The following SUMO2 variants were observed in gnomAD, a reference collection of about 807,000 sequenced individuals.
The protein encoded by SUMO2 is small ubiquitin like modifier 2, also known as small ubiquitin-related modifier 2.
Under a neutral mutation model 16.0 loss-of-function variants are expected in SUMO2, and 1 was observed. The observed-to-expected ratio is 0.06, with a 90% CI of 0.02 to 0.30. SUMO2 has a LOEUF of 0.30. Ranked by LOEUF, SUMO2 falls within the 10% of genes least tolerant of loss-of-function variation. SUMO2 has a pLI of 1.00. For synonymous variants in SUMO2, 36 were observed against 40.6 expected (o/e 0.89, Z 0.43); for missense variants, 16 against 117.5 (o/e 0.14, Z 3.99).
At chr17:75,169,209 G>A (rs1486907878) in intron 3 of SUMO2, among the ~76,000 whole-genome samples, 2 of 151,940 alleles carry the variant, frequency 1.3e-5, no homozygotes, top group Non-Finnish European at 2.9e-5. Context: ...TCCAGCCTGA[G>A]TGACAAAGCA....
chr17:75,178,525 A>C (rs999970053), intron 2 of SUMO2, among the ~76,000 whole-genome samples: 7 of 151,470 alleles, frequency 4.6e-5, no homozygotes, highest in African/African-American at 1.7e-4. Flanking sequence ...AAAAAAAAAA[A>C]AAGAAAAGAA....
chr17:75,181,329 T>G, intron 1 of SUMO2, 141 bp from the exon 2 acceptor site: 1 of 846,818 alleles, frequency 1.2e-6, no homozygotes, highest in Non-Finnish European at 1.8e-6. Context: ...TGTTTTCAGC[T>G]GCTGAAATCA....
At chr17:75,182,024 G>A (rs2074832954) in intron 1 of SUMO2, among the ~76,000 whole-genome samples, 1 of 152,128 alleles carries the variant, frequency 6.6e-6, no homozygotes, top group Non-Finnish European at 1.5e-5. Flanking sequence ...GTGCCCCGAT[G>A]ATGGGTGTCC....
intron 2 of SUMO2, among the ~76,000 whole-genome samples, chr17:75,180,740 T>G (rs56739230): frequency 0.61 from 92,151 of 151,834 alleles, 28,972 homozygotes; most frequent in Non-Finnish European, 0.7. Context: ...ATAAAAGACT[T>G]ATAAGTAATT....
intron 2 of SUMO2, among the ~76,000 whole-genome samples, chr17:75,180,404 A>AAC (rs1231240091): frequency 1.4e-5 from 2 of 141,058 alleles, no homozygotes; most frequent in South Asian, 2.3e-4. Context: ...AAAAAAAAAA[A>AAC]AAAAAAAAAA....
At chr17:75,182,743 T>C in intron 1 of SUMO2, 71 bp downstream of exon 1, 6 of 1,230,970 alleles carry the variant, frequency 4.9e-6, no homozygotes, top group South Asian at 6.3e-5. Context: ...AGCGGCGGGC[T>C]CTGGCCGGAC....
intron 3 of SUMO2, 60 bp downstream of exon 3, chr17:75,174,692 A>C: frequency 6.7e-7 from 1 of 1,501,380 alleles, no homozygotes; most frequent in Non-Finnish European, 9.2e-7. Context: ...CAAATTCATA[A>C]ACACAGCTGT....
At chr17:75,175,128 C>A (rs1324947105) in intron 2 of SUMO2, among the ~76,000 whole-genome samples, 1 of 151,716 alleles carries the variant, frequency 6.6e-6, no homozygotes, top group African/African-American at 2.4e-5. Flanking sequence ...GACTACGGTC[C>A]CCCGCCACAA....
At position 75,167,746 on chromosome 17, in the gene SUMO2, G is replaced by A. The variant is rs1261115688; in HGVS notation, c.*593C>T. 6.5e-6 allele frequency: 1 copy of A among 153,110 alleles called. No homozygotes were observed. The highest frequency in any genetic ancestry group is 1.9e-4 in the East Asian group (1 of 5,206). The allele number at this position is 153,110 out of a possible 1,614,324, so 9.5% of individuals were successfully genotyped here. A position where few individuals can be genotyped will look rare whatever the true frequency, so the allele number is the denominator to read the frequency against. On this transcript the variant is annotated 3_prime_UTR_variant, in exon 4 of 4. Coordinates refer to ENST00000420826, the MANE Select transcript of SUMO2 (RefSeq NM_006937.4). ...GAAAACAGCTCATTTTAAACAAGAA[G>A]TTTATTTAAACAACAAGACGCTTGA...
At chr17:75,178,372 G>A (rs1166354589) in intron 2 of SUMO2, among the ~76,000 whole-genome samples, 1 of 151,348 alleles carries the variant, frequency 6.6e-6, no homozygotes, top group Non-Finnish European at 1.5e-5. Flanking sequence ...AAATTGGCTG[G>A]GCACGGTGGC....
At position 75,174,930 on chromosome 17, in the gene SUMO2, TAAAC is replaced by T. The variant is rs369560847; in HGVS notation, c.154-111_154-108del. 2.5e-4 allele frequency: 236 copies of T among 956,530 alleles called. 4 individuals are homozygous for T. In the African/African-American group the frequency reaches 3.4e-3, roughly 14 times the overall value. 59.3% of individuals were successfully genotyped at this position (956,530 alleles called of 1,614,324 possible). On this transcript the variant is annotated intron_variant, in intron 2 of 3. Transcript: ENST00000420826. Reference sequence around the variant, plus strand: ...TGAATATATTAAAGAAATACCTAAATAAACAATTGCCAACATGTTAACATACCCT... The same window carrying T: ...TGAATATATTAAAGAAATACCTAAATAATTGCCAACATGTTAACATACCCT...
chr17:75,170,281 C>T (rs866792148), intron 3 of SUMO2, among the ~76,000 whole-genome samples: 1 of 152,076 alleles, frequency 6.6e-6, no homozygotes, highest in Non-Finnish European at 1.5e-5. Context: ...TCAATAAAAA[C>T]CCAAATTAGG....
chr17:75,176,520 G>A (rs150227493), intron 2 of SUMO2, among the ~76,000 whole-genome samples: 1 of 152,126 alleles, frequency 6.6e-6, no homozygotes, highest in African/African-American at 2.4e-5. Flanking sequence ...GGAGGCTGAG[G>A]CAGGAGGATC....
intron 3 of SUMO2, among the ~76,000 whole-genome samples, chr17:75,171,616 T>A (rs779238179): frequency 1.3e-5 from 2 of 152,146 alleles, no homozygotes; most frequent in Non-Finnish European, 2.9e-5. Flanking sequence ...AGAATAATTC[T>A]AAAACGAATC....
intron 2 of SUMO2, among the ~76,000 whole-genome samples, chr17:75,176,557 A>T: frequency 6.6e-6 from 1 of 152,122 alleles, no homozygotes; most frequent in East Asian, 2.0e-4. Context: ...CGGAGTTTGC[A>T]GTGAGCCAAG....
At chr17:75,172,729 C>T (rs2074751414) in intron 3 of SUMO2, among the ~76,000 whole-genome samples, 1 of 152,052 alleles carries the variant, frequency 6.6e-6, no homozygotes, top group Non-Finnish European at 1.5e-5. Context: ...CCCACCTCGG[C>T]CTCCCAAAGT....
At chr17:75,178,766 G>C (rs1227115397) in intron 2 of SUMO2, among the ~76,000 whole-genome samples, 1 of 151,692 alleles carries the variant, frequency 6.6e-6, no homozygotes, top group Non-Finnish European at 1.5e-5. Flanking sequence ...TCTGGGCCAG[G>C]CGCAGTGGCT....
At chr17:75,180,947 T>C in intron 2 of SUMO2, 110 bp downstream of exon 2, 1 of 1,289,684 alleles carries the variant, frequency 7.8e-7, no homozygotes, top group Non-Finnish European at 1.1e-6. Context: ...AAGTGCATAT[T>C]CATCCCATCA....
chr17:75,174,705 A>C, intron 3 of SUMO2, 47 bp downstream of exon 3: 1 of 1,553,370 alleles, frequency 6.4e-7, no homozygotes, highest in Non-Finnish European at 8.8e-7. Flanking sequence ...ACAGCTGTTC[A>C]AAGAATTACA....
Sources: gnomAD v4.1 joint callset for allele counts (sites outside exome capture counted in the v4.1 genomes callset) on GRCh38, gnomAD v4.1.1 for gene constraint, MANE v1.5 for transcripts, NCBI Gene and HGNC (gene_info 2026-07-23, HGNC 2026-07-21) for gene names.